The following NRG3 variants were observed in gnomAD, a reference collection of about 807,000 sequenced individuals.
NRG3 encodes the protein pro-neuregulin-3, membrane-bound isoform.
Under a neutral mutation model 66.9 loss-of-function variants are expected in NRG3, and 31 were observed. That is an observed-to-expected ratio of 0.46 (90% CI 0.35 to 0.63). The LOEUF (loss-of-function observed/expected upper bound fraction) is 0.63. Ranked by LOEUF, NRG3 falls within the 20% of genes least tolerant of loss-of-function variation. The probability of loss-of-function intolerance (pLI) is 0.00; values close to 1 mark genes in which losing one functional copy is unlikely to be tolerated. For missense variants in NRG3, 910 were observed against 878.9 expected (o/e 1.04, Z -0.45); for synonymous variants, 393 against 359.4 (o/e 1.09, Z -1.06).
chr10:82,348,674 G>T (rs1381034097), intron 1 of NRG3, among the ~76,000 whole-genome samples: 1 of 149,952 alleles, frequency 6.7e-6, no homozygotes, highest in Non-Finnish European at 1.5e-5. Context: ...TTCCAACTTG[G>T]CTCCATTCTC....
intron 4 of NRG3, among the ~76,000 whole-genome samples, chr10:82,905,769 A>AT (rs1392789642): frequency 6.6e-6 from 1 of 151,954 alleles, no homozygotes; most frequent in Non-Finnish European, 1.5e-5. Context: ...ATTTGCTCAT[A>AT]TTTATTTAAA....
chr10:82,919,601 A>T lies in NRG3; in HGVS notation c.1055-31868A>T, dbSNP rs138312796. Among the ~76,000 whole-genome samples, 329 of 152,318 alleles carry T rather than the reference A, an allele frequency of 2.2e-3. 2 individuals carry two copies. Among genetic ancestry groups the T allele is most frequent in the African/African-American group, 7.4e-3 (308 of 41,580 alleles). ...ATATTTTTTCAGATGATCCCTAGGA[A>T]AAAACAGTGTCTGGAACCACAAGCC... On this transcript the variant is annotated intron_variant, in intron 4 of 8. Transcript: ENST00000372141.
At chr10:82,185,797 A>C (rs2073766716) in intron 1 of NRG3, among the ~76,000 whole-genome samples, 1 of 152,200 alleles carries the variant, frequency 6.6e-6, no homozygotes, top group South Asian at 2.1e-4. Flanking sequence ...CTGCATTATC[A>C]CATCTTTACA....
chr10:81,963,384 C>T (rs1360391884), intron 1 of NRG3, among the ~76,000 whole-genome samples: 7 of 150,372 alleles, frequency 4.7e-5, no homozygotes, highest in South Asian at 2.1e-4. Context: ...CCGCCCGCCT[C>T]GGCCTCCCAA....
At chr10:82,044,836 G>A (rs1031570439) in intron 1 of NRG3, among the ~76,000 whole-genome samples, 24 of 152,032 alleles carry the variant, frequency 1.6e-4, no homozygotes, top group African/African-American at 5.3e-4. Flanking sequence ...TTGTCCTTGC[G>A]ATAGTTTACT....
chr10:82,148,227 G>T (rs2070405827), intron 1 of NRG3, among the ~76,000 whole-genome samples: 1 of 152,230 alleles, frequency 6.6e-6, no homozygotes, highest in Admixed American at 6.5e-5. Context: ...TTGCGGGGGG[G>T]TGGCTCACAC....
At chr10:82,740,340 A>G (rs1226121038) in intron 3 of NRG3, among the ~76,000 whole-genome samples, 1 of 151,958 alleles carries the variant, frequency 6.6e-6, no homozygotes, top group African/African-American at 2.4e-5. Flanking sequence ...TGCATATGGT[A>G]CAAAGTGGGT....
At chr10:82,138,641 A>G (rs939663274) in intron 1 of NRG3, among the ~76,000 whole-genome samples, 1 of 152,186 alleles carries the variant, frequency 6.6e-6, no homozygotes, top group African/African-American at 2.4e-5. Context: ...CAAGTCGAGG[A>G]GCAAGGAATT....
intron 3 of NRG3, among the ~76,000 whole-genome samples, chr10:82,811,156 G>T (rs2061478121): frequency 6.6e-6 from 1 of 152,152 alleles, no homozygotes; most frequent in African/African-American, 2.4e-5. Context: ...GGCAATGAAT[G>T]CCTGCCTAGC....
chr10:82,114,053 G>C (rs2067547957), intron 1 of NRG3, among the ~76,000 whole-genome samples: 1 of 152,098 alleles, frequency 6.6e-6, no homozygotes, highest in African/African-American at 2.4e-5. Context: ...CCCTGCTCTG[G>C]ACGTTTTACA....
chr10:81,878,372 A>T (rs1841872725), intron 1 of NRG3, among the ~76,000 whole-genome samples: 1 of 152,230 alleles, frequency 6.6e-6, no homozygotes, highest in Admixed American at 6.5e-5. Context: ...CCTGGTTTGC[A>T]TCTATAAACA....
chr10:82,000,287 T>C (rs948313770), intron 1 of NRG3, among the ~76,000 whole-genome samples: 3 of 152,208 alleles, frequency 2.0e-5, no homozygotes, highest in Non-Finnish European at 4.4e-5. Context: ...GCCGTTCTTA[T>C]GTCCATTTGG....
At chr10:82,565,949 G>A (rs868272061) in intron 2 of NRG3, among the ~76,000 whole-genome samples, 16 of 152,016 alleles carry the variant, frequency 1.1e-4, no homozygotes, top group Non-Finnish European at 7.4e-5. Flanking sequence ...GCAAGACCTG[G>A]CTTGAAATTC....
intron 2 of NRG3, among the ~76,000 whole-genome samples, chr10:82,404,783 G>T (rs1471065508): frequency 2.2e-4 from 34 of 152,242 alleles, no homozygotes; most frequent in Non-Finnish European, 4.7e-4. Context: ...AATGAACATG[G>T]TTGTAAACAG....
chr10:82,275,195 C>T (rs188758725), intron 1 of NRG3, among the ~76,000 whole-genome samples: 1 of 152,012 alleles, frequency 6.6e-6, no homozygotes, highest in Admixed American at 6.6e-5. Flanking sequence ...TTTAGATTAT[C>T]AATGTTGTTT....
At chr10:82,977,194 G>A (rs1366126129) in intron 7 of NRG3, among the ~76,000 whole-genome samples, 5 of 152,130 alleles carry the variant, frequency 3.3e-5, no homozygotes, top group Non-Finnish European at 7.4e-5. Flanking sequence ...CCATTGGATG[G>A]TAGATAAAAG....
At chr10:81,942,896 AAAG>A (rs1156880257) in intron 1 of NRG3, among the ~76,000 whole-genome samples, 5 of 152,214 alleles carry the variant, frequency 3.3e-5, no homozygotes, top group Admixed American at 6.6e-5. Flanking sequence ...ATTAATAACG[AAAG>A]AACCTAGAAA....
intron 1 of NRG3, among the ~76,000 whole-genome samples, chr10:82,229,539 T>A (rs1000434994): frequency 6.6e-6 from 1 of 152,178 alleles, no homozygotes; most frequent in African/African-American, 2.4e-5. Flanking sequence ...GGAAAGAGGT[T>A]TAATTGACTC....
intron 3 of NRG3, among the ~76,000 whole-genome samples, chr10:82,760,084 GA>G (rs763787670): frequency 9.2e-5 from 14 of 152,098 alleles, no homozygotes; most frequent in Non-Finnish European, 1.9e-4. Flanking sequence ...GCAGAAAAAA[GA>G]AAGCCAGCAA....
Sources: allele counts gnomAD v4.1 joint callset (sites outside exome capture counted in the v4.1 genomes callset), GRCh38; gene constraint gnomAD v4.1.1; transcripts MANE v1.5; gene names NCBI Gene and HGNC (gene_info 2026-07-23, HGNC 2026-07-21).